Variants in RALGAPA1 observed in about 807,000 individuals in gnomAD.
RALGAPA1 encodes ral GTPase-activating protein subunit alpha-1.
RALGAPA1 carries 52 observed loss-of-function variants against 269.6 expected under a neutral mutation model. The observed-to-expected ratio is 0.19, with a 90% CI of 0.15 to 0.24. The LOEUF is 0.24. Ranked by LOEUF, RALGAPA1 falls within the 10% of genes least tolerant of loss-of-function variation. RALGAPA1 has a pLI of 1.00. For synonymous variants in RALGAPA1, 817 were observed against 1,008.3 expected (o/e 0.81, Z 3.60); for missense variants, 1,917 against 3,013.9 (o/e 0.64, Z 8.52).
At chr14:35,674,869 A>C (rs767532195) in intron 22 of RALGAPA1, among the ~76,000 whole-genome samples, 160 bp from the exon 23 acceptor site, 4 of 152,162 alleles carry the variant, frequency 2.6e-5, no homozygotes, top group Non-Finnish European at 4.4e-5. Context: ...AACCTCACTT[A>C]TTATTATGAG....
intron 31 of RALGAPA1, among the ~76,000 whole-genome samples, chr14:35,645,633 G>A (rs924231153): frequency 1.5e-4 from 23 of 151,384 alleles, no homozygotes; most frequent in Non-Finnish European, 4.4e-5. Context: ...CGGGAGGCTG[G>A]GCAGGAGAAT....
At chr14:35,638,890 C>T (rs1391894915) in intron 31 of RALGAPA1, among the ~76,000 whole-genome samples, 1 of 151,862 alleles carries the variant, frequency 6.6e-6, no homozygotes, top group Non-Finnish European at 1.5e-5. Context: ...TGCGCCGCTG[C>T]ACTCCAGCCT....
At chr14:35,725,906 A>C (rs1468751333) in intron 13 of RALGAPA1, among the ~76,000 whole-genome samples, 1 of 152,206 alleles carries the variant, frequency 6.6e-6, no homozygotes. Flanking sequence ...ACTGCAAGTT[A>C]AACCAATTCT....
At chr14:35,768,854 C>T (rs1324826313) in intron 4 of RALGAPA1, among the ~76,000 whole-genome samples, 2 of 150,172 alleles carry the variant, frequency 1.3e-5, no homozygotes, top group Non-Finnish European at 3.0e-5. Context: ...ACTAAAAATA[C>T]AAAATAAGCC....
chr14:35,626,077 T>C (rs970268127), intron 34 of RALGAPA1, among the ~76,000 whole-genome samples: 6 of 152,184 alleles, frequency 3.9e-5, no homozygotes, highest in African/African-American at 9.6e-5. Flanking sequence ...CAATTACCTA[T>C]ATTTGGTCAT....
intron 27 of RALGAPA1, among the ~76,000 whole-genome samples, chr14:35,663,140 G>A (rs946142522): frequency 3.9e-5 from 6 of 151,966 alleles, no homozygotes; most frequent in African/African-American, 1.5e-4. Context: ...CTGGACTCAA[G>A]CAATCCTCCC....
intron 33 of RALGAPA1, among the ~76,000 whole-genome samples, chr14:35,629,932 G>A (rs1193997456): frequency 6.6e-6 from 1 of 151,830 alleles, no homozygotes; most frequent in Non-Finnish European, 1.5e-5. Context: ...CATCAAAAAA[G>A]AATATTTTAT....
intron 11 of RALGAPA1, 23 bp from the exon 12 acceptor site, chr14:35,738,673 T>A (rs781591527): frequency 6.3e-7 from 1 of 1,590,444 alleles, no homozygotes; most frequent in Non-Finnish European, 8.6e-7. Flanking sequence ...ATCAAGTTTT[T>A]AATATTTCAT....
chr14:35,617,075 G>T (rs977514046), intron 35 of RALGAPA1, among the ~76,000 whole-genome samples: 2 of 152,186 alleles, frequency 1.3e-5, no homozygotes, highest in Non-Finnish European at 2.9e-5. Flanking sequence ...AGGGTTCTGT[G>T]AAAGCATATG....
At chr14:35,767,879 A>T (rs1318451940) in intron 4 of RALGAPA1, among the ~76,000 whole-genome samples, 2 of 152,010 alleles carry the variant, frequency 1.3e-5, no homozygotes, top group African/African-American at 2.4e-5. Flanking sequence ...AGTTCAGATG[A>T]TCTTCCCAAA....
chr14:35,759,776 G>T (rs2073541774), intron 6 of RALGAPA1, among the ~76,000 whole-genome samples: 1 of 151,860 alleles, frequency 6.6e-6, no homozygotes, highest in Admixed American at 6.6e-5. Flanking sequence ...GCTGGGCATG[G>T]TGGCACACAC....
At position 35,723,420 on chromosome 14, in the gene RALGAPA1, G is replaced by A. The variant is rs192349424; in HGVS notation, c.1867-156C>T. 8 of 503,780 alleles carry A rather than the reference G, an allele frequency of 1.6e-5. No homozygotes were observed. In the Admixed American group the frequency reaches 2.8e-4, roughly 18 times the overall value. 31.2% of individuals were successfully genotyped at this position (503,780 alleles called of 1,614,324 possible). On this transcript the variant is annotated intron_variant, in intron 14 of 41. Transcript: ENST00000680220. ...AATACTACTTGTAAAAGCAATTCAT[G>A]CAATCATTAGAATCTACTATAAATT...
chr14:35,700,273 C>G lies in RALGAPA1; in HGVS notation c.2296G>C (p.Ala766Pro), dbSNP rs1273171177. The change falls in exon 17 of 42, where the codon GCT becomes CCT. Residue 766 changes from alanine (A) to proline (P), a missense_variant. By Grantham distance (27) the Ala-to-Pro change is conservative. Around this residue, in one of 11 missense-constraint regions of RALGAPA1, gnomAD observed 125 missense variants for 155.7 expected, o/e 0.80. Transcript: ENST00000680220. ...CTGCGTATATAGGCCGATGGCAGAG[C>G]ACATTCACCAATGGATCGGCTTCTC... ...AMRSRSIGECALPSAYIRSAK... is the reference protein window; with the variant it reads ...AMRSRSIGECPLPSAYIRSAK... 2.0e-6 allele frequency: 3 copies of G among 1,530,020 alleles called. No individual in the cohort carries two copies. In the Admixed American group the frequency reaches 6.1e-5, roughly 31 times the overall value. 94.8% of individuals were successfully genotyped at this position (1,530,020 alleles called of 1,614,324 possible).
At chr14:35,592,694 T>A (rs1368973191) in intron 37 of RALGAPA1, among the ~76,000 whole-genome samples, 3 of 152,196 alleles carry the variant, frequency 2.0e-5, no homozygotes, top group Non-Finnish European at 2.9e-5. Context: ...GAGGCTGATT[T>A]AACACACACA....
At chr14:35,771,379 A>C (rs2074605802) in intron 3 of RALGAPA1, among the ~76,000 whole-genome samples, 2 of 152,118 alleles carry the variant, frequency 1.3e-5, no homozygotes, top group Admixed American at 1.3e-4. Context: ...GGTCAATAAG[A>C]GCAAAACTCC....
intron 21 of RALGAPA1, among the ~76,000 whole-genome samples, chr14:35,682,324 G>T (rs2065513445): frequency 6.7e-6 from 1 of 150,366 alleles, no homozygotes; most frequent in Non-Finnish European, 1.5e-5. Flanking sequence ...TTTTTGAGAC[G>T]GAGTCTTGCT....
intron 3 of RALGAPA1, among the ~76,000 whole-genome samples, chr14:35,772,886 G>A (rs577532312): frequency 2.8e-4 from 42 of 151,912 alleles, no homozygotes; most frequent in Non-Finnish European, 5.9e-4. Flanking sequence ...TTGTCTTCTC[G>A]TTGATATCAT....
chr14:35,713,085 G>A (rs2068500217), intron 16 of RALGAPA1, among the ~76,000 whole-genome samples: 1 of 152,144 alleles, frequency 6.6e-6, no homozygotes, highest in Non-Finnish European at 1.5e-5. Context: ...AAGCAAATAA[G>A]TTACATCAAT....
At chr14:35,638,175 T>C (rs1475006623) in intron 31 of RALGAPA1, among the ~76,000 whole-genome samples, 1 of 152,180 alleles carries the variant, frequency 6.6e-6, no homozygotes, top group Non-Finnish European at 1.5e-5. Flanking sequence ...CACAGAATAC[T>C]ATAACGCTGT....
Sources: allele counts gnomAD v4.1 joint callset (sites outside exome capture counted in the v4.1 genomes callset), GRCh38; gene constraint gnomAD v4.1.1; regional missense constraint gnomAD v4.1.1; transcripts MANE v1.5; gene names NCBI Gene and HGNC (gene_info 2026-07-23, HGNC 2026-07-21).